MAPK6: variants seen among roughly 807,000 people sequenced by gnomAD.
The protein encoded by MAPK6 is mitogen-activated protein kinase 6.
In MAPK6, 19 loss-of-function variants were observed where a neutral mutation model predicts 59.3. The ratio of observed to expected loss-of-function variants is 0.32; its 90% confidence interval spans 0.22 to 0.47. The LOEUF is 0.47. MAPK6 is among the 20% of genes least tolerant of loss of function. The probability of loss-of-function intolerance (pLI) is 1.00; values close to 1 mark genes in which losing one functional copy is unlikely to be tolerated. For synonymous variants in MAPK6, 316 were observed against 290.3 expected (o/e 1.09, Z -0.90); for missense variants, 724 against 847.9 (o/e 0.85, Z 1.81).
At chr15:52,034,322 C>T (rs189482922) in intron 1 of MAPK6, among the ~76,000 whole-genome samples, 4 of 148,046 alleles carry the variant, frequency 2.7e-5, no homozygotes, top group East Asian at 2.0e-4. Context: ...TTTTGTCGTT[C>T]GTTTTTTTTT....
In MAPK6 at chr15:52,064,979, C is replaced by G. The variant is rs777603708; in HGVS notation, c.2145C>G (p.Ser715Arg). The change falls in exon 6 of 6, where the codon AGC (serine) becomes AGG (arginine). Residue 715 changes from serine to arginine, a missense_variant. Around this residue, in one of 4 missense-constraint regions of MAPK6, gnomAD observed 502 missense variants for 507.6 expected, o/e 0.99. Transcript: ENST00000261845. The part of the protein sequence containing the change: ...SPQIPHQTYS[S>R]ILKHLN ...AAATTCCTCATCAAACATACAGCAG[C>G]ATTCTGAAACATCTGAACTAAAACA... is the stretch of plus-strand genomic sequence containing the variant. The G allele has an allele frequency of 1.2e-6, 2 of 1,607,920 alleles. No homozygotes were observed. The highest frequency in any genetic ancestry group is 3.3e-5 in the Admixed American group (2 of 59,876).
intron 1 of MAPK6, among the ~76,000 whole-genome samples, chr15:52,037,299 T>A (rs1010773980): frequency 6.6e-6 from 1 of 152,178 alleles, no homozygotes; most frequent in Non-Finnish European, 1.5e-5. Flanking sequence ...CAGAGATGTT[T>A]TATATGGCCT....
intron 2 of MAPK6, among the ~76,000 whole-genome samples, chr15:51,989,790 G>T (rs964890099): frequency 6.6e-6 from 1 of 152,092 alleles, no homozygotes; most frequent in Non-Finnish European, 1.5e-5. Flanking sequence ...TTTTTGTAGA[G>T]AAAGGGTCTC....
rs1267573932 is a variant in MAPK6, at chr15:52,027,359, A to AAAAAAAAAG, written c.-632+7991_-632+7992insGAAAAAAAA. Among the ~76,000 whole-genome samples the AAAAAAAAAG allele has an allele frequency of 9.4e-5, 14 of 148,744 alleles. 1 individual carries two copies. Among genetic ancestry groups the AAAAAAAAAG allele is most frequent in the South Asian group, 4.2e-4 (2 of 4,712 alleles). On this transcript the variant is annotated intron_variant, in intron 1 of 5. Coordinates refer to ENST00000261845, the MANE Select transcript of MAPK6 (RefSeq NM_002748.4). ...AGCGAGACTCCCTCTCAAAAAAAAA[A>AAAAAAAAAG]AAAAAAAAAGAAAATGCCTGTCACA...
intron 1 of MAPK6, among the ~76,000 whole-genome samples, chr15:52,028,543 G>T (rs1337457406): frequency 6.6e-6 from 1 of 152,128 alleles, no homozygotes; most frequent in Non-Finnish European, 1.5e-5. Flanking sequence ...GAAATGTGTG[G>T]CTGTTAAAAG....
chr15:51,993,561 A>C (rs1293140925), intron 2 of MAPK6, among the ~76,000 whole-genome samples: 1 of 152,212 alleles, frequency 6.6e-6, no homozygotes, highest in Non-Finnish European at 1.5e-5. Flanking sequence ...GAAAGGTATT[A>C]GTGTAAATTC....
intron 5 of MAPK6, among the ~76,000 whole-genome samples, chr15:52,061,853 G>A (rs2032216469): frequency 6.6e-6 from 1 of 152,074 alleles, no homozygotes; most frequent in Non-Finnish European, 1.5e-5. Context: ...GTAATTACTG[G>A]TTAGATGATA....
At chr15:52,049,859 C>A in intron 2 of MAPK6, 134 bp from the exon 3 acceptor site, 1 of 750,046 alleles carries the variant, frequency 1.3e-6, no homozygotes, top group Admixed American at 2.4e-5. Context: ...GTGATCCGCC[C>A]ACCTTGGTTT....
chr15:52,050,018 C>G lies in MAPK6; in HGVS notation c.581C>G (p.Thr194Ser), dbSNP rs767917772. The change falls in exon 3 of 6, where the codon ACT becomes AGT. Residue 194 changes from threonine (T) to serine (S), a missense_variant. Thr to Ser is a moderately conservative substitution (Grantham distance 58). This residue lies in a region of MAPK6 where 105 missense variants were observed against 191.9 expected (regional missense o/e 0.55). Coordinates refer to ENST00000261845, the MANE Select transcript of MAPK6 (RefSeq NM_002748.4). Reference protein sequence around the residue: ...HKGHLSEGLVTKWYRSPRLLL... With the variant: ...HKGHLSEGLVSKWYRSPRLLL... ...GGTCATCTTTCTGAAGGATTGGTTACTAAATGGTACAGATCTCCACGTCTT... is the reference window on the plus strand; with the variant it reads ...GGTCATCTTTCTGAAGGATTGGTTAGTAAATGGTACAGATCTCCACGTCTT... 1.2e-5 allele frequency: 19 copies of G among 1,611,560 alleles called. No individual in the cohort carries two copies. The highest frequency in any genetic ancestry group is 2.0e-4 in the Middle Eastern group (1 of 4,900).
At chr15:51,972,364 C>T (rs1205546041) in intron 1 of MAPK6, among the ~76,000 whole-genome samples, 1 of 151,780 alleles carries the variant, frequency 6.6e-6, no homozygotes, top group African/African-American at 2.4e-5. Flanking sequence ...GTCGCAAACT[C>T]AGGAGCTCAG....
At chr15:51,999,767 G>A (rs558919213) in intron 2 of MAPK6, among the ~76,000 whole-genome samples, 28 of 152,064 alleles carry the variant, frequency 1.8e-4, no homozygotes, top group East Asian at 7.7e-4. Context: ...TCTCAGCCTC[G>A]TGAATAGCTG....
intron 3 of MAPK6, among the ~76,000 whole-genome samples, chr15:52,010,429 G>A (rs2030019868): frequency 6.6e-6 from 1 of 151,402 alleles, no homozygotes; most frequent in Non-Finnish European, 1.5e-5. Context: ...TGGTCAGGCT[G>A]GTCTTGAACG....
chr15:51,974,368 C>G (rs2057151010), intron 1 of MAPK6, among the ~76,000 whole-genome samples: 1 of 151,524 alleles, frequency 6.6e-6, no homozygotes, highest in South Asian at 2.1e-4. Flanking sequence ...TTAAGATGAT[C>G]TTGACAGGCC....
intron 2 of MAPK6, 45 bp downstream of exon 2, chr15:52,047,060 C>T (rs1170684718): frequency 7.4e-7 from 1 of 1,354,756 alleles, no homozygotes; most frequent in Non-Finnish European, 9.9e-7. Flanking sequence ...AACTGATACA[C>T]CTAATCAGGA....
chr15:51,988,311 A>G (rs535501395), intron 2 of MAPK6, among the ~76,000 whole-genome samples: 3 of 151,902 alleles, frequency 2.0e-5, no homozygotes, highest in South Asian at 2.1e-4. Context: ...TTTAATACAT[A>G]TATAGGCTAA....
chr15:52,029,871 C>G (rs910253943), intron 1 of MAPK6, among the ~76,000 whole-genome samples: 11 of 152,168 alleles, frequency 7.2e-5, no homozygotes, highest in African/African-American at 2.7e-4. Flanking sequence ...ACTCAGCTAC[C>G]TTCTTCAGAC....
At chr15:52,028,520 T>C (rs1219114408) in intron 1 of MAPK6, among the ~76,000 whole-genome samples, 1 of 152,212 alleles carries the variant, frequency 6.6e-6, no homozygotes, top group African/African-American at 2.4e-5. Context: ...TAATCAATAG[T>C]GCTTTCTGCA....
chr15:52,008,489 A>G (rs75898356), intron 3 of MAPK6, among the ~76,000 whole-genome samples: 2,448 of 152,308 alleles, frequency 0.016, 29 homozygotes, highest in African/African-American at 0.033. Context: ...CGGGCTCACC[A>G]GAATCCTGTG....
chr15:52,054,781 T>C (rs1461324182), intron 3 of MAPK6, among the ~76,000 whole-genome samples: 2 of 151,562 alleles, frequency 1.3e-5, no homozygotes, highest in South Asian at 2.1e-4. Flanking sequence ...CACATACATA[T>C]ATATATAATT....
Sources: allele counts gnomAD v4.1 joint callset (sites outside exome capture counted in the v4.1 genomes callset), GRCh38; gene constraint gnomAD v4.1.1; regional missense constraint gnomAD v4.1.1; transcripts MANE v1.5; gene names NCBI Gene and HGNC (gene_info 2026-07-23, HGNC 2026-07-21).